Variants in PRKD1 observed in about 807,000 individuals in gnomAD.
PRKD1 encodes serine/threonine-protein kinase D1.
In PRKD1, 63 loss-of-function variants were observed where a neutral mutation model predicts 95.9. That is an observed-to-expected ratio of 0.66 (90% CI 0.54 to 0.81). PRKD1 has a LOEUF of 0.81. Ranked by LOEUF, PRKD1 falls within the 30% of genes least tolerant of loss-of-function variation. The pLI, the probability that PRKD1 is intolerant of heterozygous loss-of-function variation, is 0.00. For synonymous variants in PRKD1, 425 were observed against 423.1 expected, an observed-to-expected ratio of 1.00 and a Z score of -0.05; for missense variants, 1,048 against 1,165.3, an observed-to-expected ratio of 0.90 and a Z score of 1.47.
intron 1 of PRKD1, among the ~76,000 whole-genome samples, chr14:29,740,455 G>A (rs1353849914): frequency 6.6e-6 from 1 of 152,140 alleles, no homozygotes; most frequent in Non-Finnish European, 1.5e-5. Context: ...TATTTTCAAG[G>A]TGACAGTGGT....
At chr14:29,853,293 A>G (rs1393511765) in intron 1 of PRKD1, among the ~76,000 whole-genome samples, 1 of 152,244 alleles carries the variant, frequency 6.6e-6, no homozygotes, top group Non-Finnish European at 1.5e-5. Context: ...TACTGCAATA[A>G]TGCACTTCTG....
At chr14:29,706,193 G>A (rs1489055787) in intron 2 of PRKD1, among the ~76,000 whole-genome samples, 6 of 152,056 alleles carry the variant, frequency 3.9e-5, no homozygotes, top group Non-Finnish European at 2.9e-5. Context: ...TCCTAATGAC[G>A]AATGATGCTG....
At chr14:29,825,195 G>A (rs554046067) in intron 1 of PRKD1, among the ~76,000 whole-genome samples, 1 of 152,120 alleles carries the variant, frequency 6.6e-6, no homozygotes, top group East Asian at 1.9e-4. Context: ...CATGTGCCAG[G>A]AAATGTGATA....
chr14:29,806,943 T>C (rs1024835998), intron 1 of PRKD1, among the ~76,000 whole-genome samples: 2 of 152,048 alleles, frequency 1.3e-5, no homozygotes, highest in Non-Finnish European at 2.9e-5. Flanking sequence ...TCACACAAAT[T>C]TTCAGGTTTC....
chr14:29,863,562 G>A (rs983817470), intron 1 of PRKD1, among the ~76,000 whole-genome samples: 1 of 152,022 alleles, frequency 6.6e-6, no homozygotes, highest in African/African-American at 2.4e-5. Flanking sequence ...TGGCTTTTAG[G>A]ACTAAATGTT....
At chr14:29,653,059 T>C (rs1052739677) in intron 4 of PRKD1, among the ~76,000 whole-genome samples, 4 of 152,204 alleles carry the variant, frequency 2.6e-5, no homozygotes, top group Non-Finnish European at 4.4e-5. Flanking sequence ...TCTATGAACG[T>C]ATGCAGCCTA....
Position 29,867,147 on chromosome 14 carries a change from G to A in PRKD1, c.264+60102C>T, listed in dbSNP as rs58837304. Among the ~76,000 whole-genome samples, 1,291 of 152,198 alleles carry A rather than the reference G, an allele frequency of 8.5e-3. 19 individuals carry two copies. Among genetic ancestry groups the A allele is most frequent in the African/African-American group, 0.029 (1,184 of 41,526 alleles). ...ATAGAAGCTTCAATCTCATAATTTT[G>A]GCACTGTCTATAAATTCCTTCCCAA... is the stretch of plus-strand genomic sequence containing the variant. On this transcript the variant is annotated intron_variant, in intron 1 of 17. Transcript: ENST00000331968.
At chr14:29,876,906 C>A (rs540798818) in intron 1 of PRKD1, among the ~76,000 whole-genome samples, 1 of 152,100 alleles carries the variant, frequency 6.6e-6, no homozygotes, top group Non-Finnish European at 1.5e-5. Flanking sequence ...AATCCTAGCA[C>A]GTTGGGAGGC....
At chr14:29,752,221 C>CTACA (rs1391969431) in intron 1 of PRKD1, among the ~76,000 whole-genome samples, 1 of 152,062 alleles carries the variant, frequency 6.6e-6, no homozygotes, top group Non-Finnish European at 1.5e-5. Context: ...AAATTATATG[C>CTACA]TACATACCTC....
At chr14:29,591,770 T>C (rs1490283471) in intron 16 of PRKD1, among the ~76,000 whole-genome samples, 1 of 152,172 alleles carries the variant, frequency 6.6e-6, no homozygotes, top group African/African-American at 2.4e-5. Context: ...CCCTGCGACC[T>C]ACTTCTTAAC....
chr14:29,636,623 TTTA>T (rs972832943), intron 6 of PRKD1, 129 bp from the exon 7 acceptor site: 30 of 894,104 alleles, frequency 3.4e-5, no homozygotes, highest in African/African-American at 3.1e-4. Context: ...GAGTTTATTT[TTTA>T]TTTTTTAACT....
rs113210587 is a variant in PRKD1, at chr14:29,735,060, T to C, written c.265-9386A>G. 3.6e-3 allele frequency among the ~76,000 whole-genome samples: 545 copies of C among 152,298 alleles called. 2 individuals are homozygous for C. Among genetic ancestry groups the C allele is most frequent in the African/African-American group, 0.013 (525 of 41,570 alleles). ...ACAGTATTTTATAAATTTTGTATTGTTTTCCTATTTGTTTAGAGCAAGAGG... is the reference window on the plus strand; with the variant it reads ...ACAGTATTTTATAAATTTTGTATTGCTTTCCTATTTGTTTAGAGCAAGAGG... On this transcript the variant is annotated intron_variant, in intron 1 of 17. Coordinates refer to ENST00000331968, the MANE Select transcript of PRKD1 (RefSeq NM_002742.3).
chr14:29,789,570 C>T (rs2139190044), intron 1 of PRKD1, among the ~76,000 whole-genome samples: 1 of 152,224 alleles, frequency 6.6e-6, no homozygotes, highest in South Asian at 2.1e-4. Context: ...TGGTAGTGGG[C>T]TTGGCAGGCT....
At chr14:29,914,653 G>A (rs1340636076) in intron 1 of PRKD1, among the ~76,000 whole-genome samples, 1 of 152,144 alleles carries the variant, frequency 6.6e-6, no homozygotes, top group South Asian at 2.1e-4. Context: ...AGAATTGCTT[G>A]AACCGGCAGG....
chr14:29,601,489 G>T (rs534009812), intron 13 of PRKD1, among the ~76,000 whole-genome samples: 110 of 152,304 alleles, frequency 7.2e-4, no homozygotes, highest in African/African-American at 2.6e-3. Flanking sequence ...TAGAGTCATT[G>T]TTCTTCAAAC....
intron 2 of PRKD1, among the ~76,000 whole-genome samples, chr14:29,703,062 G>A (rs1288725716): frequency 1.3e-5 from 2 of 152,010 alleles, no homozygotes; most frequent in African/African-American, 2.4e-5. Context: ...TCTTTGCCAC[G>A]TGGTCAAATC....
chr14:29,719,602 T>G (rs1885786648), intron 2 of PRKD1, among the ~76,000 whole-genome samples: 1 of 152,228 alleles, frequency 6.6e-6, no homozygotes, highest in Admixed American at 6.5e-5. Flanking sequence ...TCCTACTCTC[T>G]GCAGGACATA....
intron 2 of PRKD1, among the ~76,000 whole-genome samples, chr14:29,704,785 TTTC>T (rs1333690888): frequency 2.6e-5 from 4 of 152,200 alleles, no homozygotes; most frequent in Non-Finnish European, 4.4e-5. Context: ...GAGTTATTTT[TTTC>T]TCATTTTTTT....
chr14:29,608,572 G>C (rs992331514), intron 13 of PRKD1, among the ~76,000 whole-genome samples: 3 of 151,988 alleles, frequency 2.0e-5, no homozygotes, highest in Admixed American at 2.0e-4. Context: ...TTTTCTTGTT[G>C]CCAACCCTAA....
Sources: allele counts gnomAD v4.1 joint callset (sites outside exome capture counted in the v4.1 genomes callset), GRCh38; gene constraint gnomAD v4.1.1; transcripts MANE v1.5; gene names NCBI Gene and HGNC (gene_info 2026-07-23, HGNC 2026-07-21).